Variants in TMEM182 observed in about 807,000 individuals in gnomAD.
TMEM182 encodes the protein transmembrane protein 182.
TMEM182 carries 20 observed loss-of-function variants against 26.8 expected under a neutral mutation model. The ratio of observed to expected loss-of-function variants is 0.75; its 90% CI spans 0.53 to 1.09. The LOEUF (loss-of-function observed/expected upper bound fraction) is 1.09, where lower values mean the gene tolerates loss of function less well. Among genes scored for constraint, TMEM182 ranks in the 50% least tolerant of loss-of-function variants. The pLI, the probability that TMEM182 is intolerant of heterozygous loss-of-function variation, is 0.00. For synonymous variants in TMEM182, 109 were observed against 102.2 expected, an observed-to-expected ratio of 1.07 and a Z score of -0.40; for missense variants, 277 against 275.5, an observed-to-expected ratio of 1.01 and a Z score of -0.04.
At chr2:102,770,964 T>G (rs1558762294) in intron 3 of TMEM182, among the ~76,000 whole-genome samples, 2 of 152,218 alleles carry the variant, frequency 1.3e-5, no homozygotes, top group Non-Finnish European at 2.9e-5. Flanking sequence ...CACATCAACC[T>G]GTTGTAGGTA....
At chr2:102,806,758 A>T (rs1210576982) in intron 4 of TMEM182, among the ~76,000 whole-genome samples, 1 of 152,182 alleles carries the variant, frequency 6.6e-6, no homozygotes, top group African/African-American at 2.4e-5. Flanking sequence ...TTCGGTCCTC[A>T]TGACTACTTT....
intron 1 of TMEM182, among the ~76,000 whole-genome samples, chr2:102,740,235 C>T (rs1031430682): frequency 5.3e-5 from 8 of 152,086 alleles, no homozygotes; most frequent in East Asian, 1.9e-4. Flanking sequence ...TGTGTTCCCA[C>T]GCAAATCTCA....
At chr2:102,812,892 A>G (rs1050815962) in intron 4 of TMEM182, among the ~76,000 whole-genome samples, 7 of 152,224 alleles carry the variant, frequency 4.6e-5, no homozygotes, top group African/African-American at 1.4e-4. Context: ...CACTGTCTAT[A>G]TATTTGCTGG....
intron 4 of TMEM182, among the ~76,000 whole-genome samples, chr2:102,808,745 G>A (rs1161783763): frequency 6.6e-6 from 1 of 152,172 alleles, no homozygotes; most frequent in Admixed American, 6.5e-5. Context: ...ATAATGCTCA[G>A]CAATAAAAAG....
intron 4 of TMEM182, among the ~76,000 whole-genome samples, chr2:102,803,468 A>G (rs1180656027): frequency 1.3e-5 from 2 of 152,192 alleles, no homozygotes; most frequent in Non-Finnish European, 2.9e-5. Flanking sequence ...AGCAGGTTAG[A>G]CTGACTTAAA....
chr2:102,798,350 T>A (rs1227261054), intron 4 of TMEM182, among the ~76,000 whole-genome samples: 1 of 152,166 alleles, frequency 6.6e-6, no homozygotes, highest in Non-Finnish European at 1.5e-5. Context: ...ACTGTTAACC[T>A]CTTACCCTAT....
rs1680238319 is a variant in TMEM182, at chr2:102,762,163, G to A, written c.-55G>A. The stretch of plus-strand genomic sequence containing the variant: ...TGCTGTTGTTTCTGAGAAACTAGGT[G>A]TCTTACCATTTTAAAATTTCATATT... On this transcript the variant is annotated 5_prime_UTR_variant, in exon 1 of 5. Transcript: ENST00000412401. 4 of 1,210,138 alleles carry A rather than the reference G, an allele frequency of 3.3e-6. No individual in the cohort carries two copies. The highest frequency in any genetic ancestry group is 4.7e-6 in the Non-Finnish European group (4 of 852,618). The allele number at this position is 1,210,138 out of a possible 1,614,324, so 75.0% of individuals were successfully genotyped here. A position where few individuals can be genotyped will look rare whatever the true frequency, so the allele number is the denominator to read the frequency against.
intron 1 of TMEM182, among the ~76,000 whole-genome samples, chr2:102,738,281 A>G (rs750530354): frequency 1.8e-4 from 27 of 152,152 alleles, no homozygotes; most frequent in Non-Finnish European, 2.2e-4. Flanking sequence ...CTAGGAGGAC[A>G]TCTCATACAC....
At chr2:102,810,114 A>G (rs1682495622) in intron 4 of TMEM182, among the ~76,000 whole-genome samples, 1 of 152,170 alleles carries the variant, frequency 6.6e-6, no homozygotes, top group Admixed American at 6.5e-5. Context: ...TAAATAATCC[A>G]AAACACTCTC....
intron 1 of TMEM182, among the ~76,000 whole-genome samples, chr2:102,752,387 G>A (rs1456223919): frequency 6.6e-6 from 1 of 152,178 alleles, no homozygotes; most frequent in African/African-American, 2.4e-5. Context: ...TAATTTTTAA[G>A]TGCTTACCCC....
intron 3 of TMEM182, among the ~76,000 whole-genome samples, chr2:102,828,720 C>T (rs1387863154): frequency 6.6e-6 from 1 of 152,150 alleles, no homozygotes; most frequent in Non-Finnish European, 1.5e-5. Context: ...GGCTACCCCA[C>T]AATAGGAGCT....
At chr2:102,788,521 CTAT>C (rs10580638) in intron 3 of TMEM182, among the ~76,000 whole-genome samples, 81,619 of 151,122 alleles carry the variant, frequency 0.54, 22,599 homozygotes, top group African/African-American at 0.65. Flanking sequence ...TTGCATTGGA[CTAT>C]TATTACTCCT....
chr2:102,808,978 C>T (rs1186565505), intron 4 of TMEM182, among the ~76,000 whole-genome samples: 1 of 152,148 alleles, frequency 6.6e-6, no homozygotes, highest in Non-Finnish European at 1.5e-5. Context: ...TTGGTTGTGG[C>T]TACACTGATG....
At chr2:102,748,448 G>A (rs1260548638) in intron 1 of TMEM182, among the ~76,000 whole-genome samples, 20 of 152,162 alleles carry the variant, frequency 1.3e-4, no homozygotes, top group Admixed American at 1.3e-3. Flanking sequence ...AGACATACTC[G>A]GGTTAGAATG....
intron 4 of TMEM182, among the ~76,000 whole-genome samples, chr2:102,810,644 G>A (rs1369506682): frequency 1.3e-5 from 2 of 152,102 alleles, no homozygotes; most frequent in Non-Finnish European, 2.9e-5. Flanking sequence ...TTATCTTTCT[G>A]CAGTTTCACT....
chr2:102,749,754 A>G (rs184930557), intron 1 of TMEM182, among the ~76,000 whole-genome samples: 327 of 152,210 alleles, frequency 2.1e-3, no homozygotes, highest in African/African-American at 7.6e-3. Flanking sequence ...AGAAAAGATC[A>G]TTTTCCCTTT....
Position 102,815,711 on chromosome 2 carries a change from T to G in TMEM182, c.*743T>G, listed in dbSNP as rs1164390639. ...TTATGAACTTAAAGTGAGTTAATTG[T>G]ATAATGTAATATTGTTTAAAATATG... is the stretch of plus-strand genomic sequence containing the variant. On this transcript the variant is annotated 3_prime_UTR_variant, in exon 5 of 5. Coordinates refer to ENST00000412401, the MANE Select transcript of TMEM182 (RefSeq NM_144632.5). The G allele has an allele frequency of 2.1e-6, 2 of 967,918 alleles. No individual in the cohort carries two copies. Among genetic ancestry groups the G allele is most frequent in the Non-Finnish European group, 1.2e-6 (1 of 814,054 alleles). 60.0% of individuals were successfully genotyped at this position (967,918 alleles called of 1,614,324 possible).
At chr2:102,838,796 T>C (rs1683296065) in intron 3 of TMEM182, among the ~76,000 whole-genome samples, 1 of 152,066 alleles carries the variant, frequency 6.6e-6, no homozygotes, top group African/African-American at 2.4e-5. Context: ...GTCTCACAGA[T>C]GTTTAGGCAG....
intron 3 of TMEM182, among the ~76,000 whole-genome samples, chr2:102,786,261 C>A (rs1381315123): frequency 7.5e-6 from 1 of 133,958 alleles, no homozygotes. Context: ...GTCGCCCAGG[C>A]GGGAATGCAG....
Sources: gnomAD v4.1 joint callset for allele counts (sites outside exome capture counted in the v4.1 genomes callset) on GRCh38, gnomAD v4.1.1 for gene constraint, MANE v1.5 for transcripts, NCBI Gene and HGNC (gene_info 2026-07-23, HGNC 2026-07-21) for gene names.